The following FAM167A variants were observed in gnomAD, a reference collection of about 807,000 sequenced individuals.
FAM167A encodes protein FAM167A.
In FAM167A, 23 loss-of-function variants were observed where a neutral mutation model predicts 14.9. That is an observed-to-expected ratio of 1.55 (90% CI 1.11 to 2.19). FAM167A has a LOEUF of 2.19. FAM167A is among the 30% of genes most tolerant of loss of function. FAM167A has a pLI of 0.00. For synonymous variants in FAM167A, 174 were observed against 117.7 expected (o/e 1.48, Z -3.10); for missense variants, 401 against 281.5 (o/e 1.42, Z -3.04).
chr8:11,432,120 A>G (rs527435870), intron 2 of FAM167A, among the ~76,000 whole-genome samples: 3 of 152,202 alleles, frequency 2.0e-5, no homozygotes, highest in Non-Finnish European at 4.4e-5. Context: ...ACACTGAGTG[A>G]TTTCTTCACA....
At position 11,424,347 on chromosome 8, in the gene FAM167A, G is replaced by A. The variant is rs755649418; in HGVS notation, c.*26C>T. On this transcript the variant is annotated 3_prime_UTR_variant, in exon 3 of 3. Coordinates refer to ENST00000284486, the MANE Select transcript of FAM167A (RefSeq NM_053279.3). The stretch of plus-strand genomic sequence containing the variant: ...CCTCCAGCCCAAGCCCTCCGCTCCA[G>A]CCCCTCCGCCCAGTCTGAGGGCTCC... The A allele has an allele frequency of 2.2e-5, 36 of 1,611,608 alleles. No homozygotes were observed. In the East Asian group the frequency reaches 7.1e-4, roughly 32 times the overall value.
intron 1 of FAM167A, among the ~76,000 whole-genome samples, chr8:11,455,757 A>T (rs1807233611): frequency 2.6e-5 from 3 of 114,128 alleles, no homozygotes; most frequent in East Asian, 3.0e-4. Flanking sequence ...GCTGTGCATG[A>T]GTGTGAGTGT....
At position 11,447,183 on chromosome 8, in the gene FAM167A, C is replaced by CTTTTCT. The variant is rs146992974; in HGVS notation, c.-397-2376_-397-2375insAGAAAA. On this transcript the variant is annotated intron_variant, in intron 1 of 2. Coordinates refer to ENST00000284486, the MANE Select transcript of FAM167A (RefSeq NM_053279.3). The stretch of plus-strand genomic sequence containing the variant: ...TTTATTTCAATTATTGGTTTCTTTT[C>CTTTTCT]TTTTTCTTTTTTTTGAGACGGAGTT... Among the ~76,000 whole-genome samples the CTTTTCT allele has an allele frequency of 2.1e-4, 31 of 147,066 alleles. 3 individuals carry two copies. The highest frequency in any genetic ancestry group is 2.2e-4 in the Non-Finnish European group (15 of 67,046).
chr8:11,442,984 G>A (rs1436467592), intron 2 of FAM167A, among the ~76,000 whole-genome samples: 2 of 152,168 alleles, frequency 1.3e-5, no homozygotes, highest in African/African-American at 4.8e-5. Flanking sequence ...TTAGTTTTCG[G>A]GATTCTGCAA....
At chr8:11,454,009 G>A (rs899948576) in intron 1 of FAM167A, among the ~76,000 whole-genome samples, 18 of 152,182 alleles carry the variant, frequency 1.2e-4, no homozygotes, top group Admixed American at 9.8e-4. Context: ...TAGCTATCAC[G>A]CGTGTGGAAA....
intron 2 of FAM167A, chr8:11,438,358 A>G (rs1025558832): frequency 2.3e-6 from 1 of 442,142 alleles, no homozygotes; most frequent in Non-Finnish European, 4.5e-6. Flanking sequence ...CACATCAAAC[A>G]GGAATGTTGG....
intron 1 of FAM167A, among the ~76,000 whole-genome samples, chr8:11,474,960 G>C (rs1797821513): frequency 6.6e-6 from 1 of 152,062 alleles, no homozygotes; most frequent in African/African-American, 2.4e-5. Flanking sequence ...AGAGAGAAAG[G>C]TTCAGAGTGG....
intron 2 of FAM167A, among the ~76,000 whole-genome samples, chr8:11,425,061 G>A (rs962642527): frequency 6.6e-6 from 1 of 152,186 alleles, no homozygotes; most frequent in Non-Finnish European, 1.5e-5. Flanking sequence ...CTTTGACTGT[G>A]ATGGCCATGT....
intron 2 of FAM167A, among the ~76,000 whole-genome samples, chr8:11,425,789 G>A (rs1468699932): frequency 7.6e-6 from 1 of 132,446 alleles, no homozygotes; most frequent in African/African-American, 2.7e-5. Context: ...CTCTGGTATA[G>A]CGTCACATAA....
intron 2 of FAM167A, chr8:11,434,019 G>C (rs1244240863): frequency 6.6e-6 from 1 of 152,208 alleles, no homozygotes; most frequent in African/African-American, 2.4e-5. Flanking sequence ...CTGAGAAAGA[G>C]CCAGATTAAC....
At chr8:11,451,865 G>T (rs1380125372) in intron 1 of FAM167A, among the ~76,000 whole-genome samples, 3 of 152,180 alleles carry the variant, frequency 2.0e-5, no homozygotes, top group Non-Finnish European at 4.4e-5. Flanking sequence ...GATCTGCCCT[G>T]GTTCTGCCTG....
rs758941774 is a variant in FAM167A at position 11,444,144 on chromosome 8, G to T, written c.268C>A (p.Gln90Lys). The change falls in exon 2 of 3, where the codon CAG (glutamine) becomes AAG (lysine). Residue 90 changes from glutamine to lysine, a missense_variant. Transcript: ENST00000284486. Reference sequence around the variant, plus strand: ...GCACTCCTGGCAGAAGGGGGGTGCTGCCCAGCCTCTCTCAGGGGGAGCAAG... The same window carrying T: ...GCACTCCTGGCAGAAGGGGGGTGCTTCCCAGCCTCTCTCAGGGGGAGCAAG... ...EPLLPLREAG[Q>K]HPPSARSASQ... The T allele has an allele frequency of 1.2e-6, 2 of 1,611,504 alleles. No individual in the cohort carries two copies. Among genetic ancestry groups the T allele is most frequent in the Non-Finnish European group, 1.7e-6 (2 of 1,179,634 alleles).
intron 2 of FAM167A, among the ~76,000 whole-genome samples, chr8:11,431,097 G>C (rs1051173427): frequency 1.3e-5 from 2 of 152,330 alleles, no homozygotes; most frequent in East Asian, 1.9e-4. Flanking sequence ...CTAGAACCTG[G>C]ATTTGTACAT....
In FAM167A at chr8:11,424,170, G is replaced by T. The variant is rs900911506; in HGVS notation, c.*203C>A. On this transcript the variant is annotated 3_prime_UTR_variant, in exon 3 of 3. Transcript: ENST00000284486. ...AGAGCTCTTTGGGTAGTAAGCAAGA[G>T]CCAGTCACAGAGACACTGGCATCCA... The T allele has an allele frequency of 1.1e-5, 7 of 620,834 alleles. No individual in the cohort carries two copies. Among genetic ancestry groups the T allele is most frequent in the Non-Finnish European group, 1.9e-5 (7 of 361,412 alleles). 38.5% of individuals were successfully genotyped at this position (620,834 alleles called of 1,614,324 possible). A position where few individuals can be genotyped will look rare whatever the true frequency, so the allele number is the denominator to read the frequency against.
chr8:11,459,997 C>T (rs1354400973), intron 1 of FAM167A, among the ~76,000 whole-genome samples: 2 of 152,116 alleles, frequency 1.3e-5, no homozygotes, highest in Non-Finnish European at 2.9e-5. Context: ...CAAAGTGCTG[C>T]GATTACAGGC....
chr8:11,471,952 C>T (rs1050822650), upstream of FAM167A, among the ~76,000 whole-genome samples: 1 of 152,256 alleles, frequency 6.6e-6, no homozygotes, highest in South Asian at 2.1e-4. Flanking sequence ...TCACTCCCAC[C>T]TCCCTTCTTT....
intron 2 of FAM167A, among the ~76,000 whole-genome samples, chr8:11,436,626 G>A (rs1421112640): frequency 1.3e-5 from 2 of 152,226 alleles, no homozygotes; most frequent in African/African-American, 4.8e-5. Flanking sequence ...TCTGCAGGCA[G>A]GAATTGGGGC....
At chr8:11,463,904 C>A (rs754819251) in intron 1 of FAM167A, among the ~76,000 whole-genome samples, 4 of 152,014 alleles carry the variant, frequency 2.6e-5, no homozygotes, top group Non-Finnish European at 4.4e-5. Flanking sequence ...AGCCACCCCC[C>A]ACTATAGATG....
Position 11,429,104 on chromosome 8 carries a change from C to T in FAM167A, c.382-4468G>A, listed in dbSNP as rs187925562. Reference sequence around the variant, plus strand: ...TATCGTTCTAAACAGAAACTGCATCCATCAAACACTAACTCCCCATCCCCC... The same window carrying T: ...TATCGTTCTAAACAGAAACTGCATCTATCAAACACTAACTCCCCATCCCCC... On this transcript the variant is annotated intron_variant, in intron 2 of 2. Coordinates refer to ENST00000284486, the MANE Select transcript of FAM167A (RefSeq NM_053279.3). Among the ~76,000 whole-genome samples, 62 of 152,190 alleles carry T rather than the reference C, an allele frequency of 4.1e-4. 1 individual carries two copies. The highest frequency in any genetic ancestry group is 3.6e-3 in the Admixed American group (55 of 15,292).
Sources: allele counts gnomAD v4.1 joint callset (sites outside exome capture counted in the v4.1 genomes callset), GRCh38; gene constraint gnomAD v4.1.1; transcripts MANE v1.5; gene names NCBI Gene and HGNC (gene_info 2026-07-23, HGNC 2026-07-21).